Variants in SP4 observed in about 807,000 individuals in gnomAD.
The protein encoded by SP4 is transcription factor Sp4.
SP4 carries 19 observed loss-of-function variants against 72.8 expected under a neutral mutation model. The observed-to-expected ratio is 0.26, with a 90% CI of 0.18 to 0.38. The LOEUF (loss-of-function observed/expected upper bound fraction) is 0.38. Among genes scored for constraint, SP4 ranks in the 10% least tolerant of loss-of-function variants. The probability of loss-of-function intolerance (pLI) is 1.00; values close to 1 mark genes in which losing one functional copy is unlikely to be tolerated. For missense variants in SP4, 1,008 were observed against 926.3 expected, an observed-to-expected ratio of 1.09 and a Z score of -1.14; for synonymous variants, 395 against 333.1, an observed-to-expected ratio of 1.19 and a Z score of -2.02.
intron 3 of SP4, among the ~76,000 whole-genome samples, chr7:21,439,677 C>T (rs937597691): frequency 1.3e-5 from 2 of 152,084 alleles, no homozygotes; most frequent in Non-Finnish European, 2.9e-5. Context: ...ATCACGTGAG[C>T]CCAGGAGCTT....
chr7:21,452,261 A>G (rs1783624246), intron 3 of SP4, among the ~76,000 whole-genome samples: 1 of 152,250 alleles, frequency 6.6e-6, no homozygotes. Flanking sequence ...AATGAGTTGC[A>G]TAAAGCACAG....
chr7:21,495,819 GATTT>G (rs1024712148), intron 5 of SP4, among the ~76,000 whole-genome samples: 5 of 152,062 alleles, frequency 3.3e-5, no homozygotes, highest in African/African-American at 1.2e-4. Context: ...GTGTGTGGCA[GATTT>G]ATTTATTTAT....
intron 3 of SP4, among the ~76,000 whole-genome samples, chr7:21,470,749 GAAA>G (rs11406915): frequency 9.5e-6 from 1 of 105,342 alleles, no homozygotes; most frequent in Non-Finnish European, 2.0e-5. Flanking sequence ...TCTATATTTG[GAAA>G]AAAAAAAAAA....
At chr7:21,490,098 A>G (rs1157684789) in intron 5 of SP4, among the ~76,000 whole-genome samples, 1 of 152,236 alleles carries the variant, frequency 6.6e-6, no homozygotes, top group Non-Finnish European at 1.5e-5. Flanking sequence ...AAGTTTACTT[A>G]TTTGTTTTCT....
At chr7:21,476,190 C>CTT (rs1160123884) in intron 3 of SP4, among the ~76,000 whole-genome samples, 4 of 143,058 alleles carry the variant, frequency 2.8e-5, no homozygotes, top group African/African-American at 1.0e-4. Flanking sequence ...AGAAGAATTG[C>CTT]TTGAACCCAG....
At chr7:21,510,954 G>C in intron 5 of SP4, 68 bp from the exon 6 acceptor site, 2 of 1,438,824 alleles carry the variant, frequency 1.4e-6, no homozygotes, top group Non-Finnish European at 1.9e-6. Context: ...CCAGAAGGGA[G>C]ATTATTAAAA....
rs767876699 is a variant in SP4 at position 21,482,139 on chromosome 7, G to A, written c.2107+16G>A. 1 of 1,586,170 alleles carries A rather than the reference G, an allele frequency of 6.3e-7. No homozygotes were observed. The highest frequency in any genetic ancestry group is 1.7e-5 in the Admixed American group (1 of 57,870). ...ACCCATACAGGTTAGTTGATTTTAG[G>A]ACTTGTACTTTTTACTTATTTCTTC... is the stretch of plus-strand genomic sequence containing the variant. On this transcript the variant is annotated intron_variant, in intron 5 of 5. Transcript: ENST00000222584.
In SP4 at chr7:21,482,151, T is replaced by G. The variant is rs778437196; in HGVS notation, c.2107+28T>G. 3 of 1,555,752 alleles carry G rather than the reference T, an allele frequency of 1.9e-6. No individual in the cohort carries two copies. The South Asian group carries it at 3.5e-5, about 18-fold the overall frequency. On this transcript the variant is annotated intron_variant, in intron 5 of 5. Coordinates refer to ENST00000222584, the MANE Select transcript of SP4 (RefSeq NM_003112.5). The stretch of plus-strand genomic sequence containing the variant: ...TAGTTGATTTTAGGACTTGTACTTT[T>G]TACTTATTTCTTCAGTTTTTACATG...
At chr7:21,509,959 A>G (rs1017905419) in intron 5 of SP4, among the ~76,000 whole-genome samples, 1 of 152,204 alleles carries the variant, frequency 6.6e-6, no homozygotes, top group Non-Finnish European at 1.5e-5. Context: ...AGCAAATCAC[A>G]TCTCGTGTGG....
chr7:21,436,737 A>C (rs1183296888), intron 3 of SP4, among the ~76,000 whole-genome samples: 1 of 152,198 alleles, frequency 6.6e-6, no homozygotes, highest in Non-Finnish European at 1.5e-5. Flanking sequence ...GAAGGAGCAA[A>C]TTGTGGCAAA....
intron 3 of SP4, among the ~76,000 whole-genome samples, chr7:21,464,186 T>TC (rs1156351493): frequency 6.9e-6 from 1 of 144,718 alleles, no homozygotes; most frequent in African/African-American, 2.6e-5. Flanking sequence ...GTGCATGGCC[T>TC]CCCGGGTTCA....
In SP4 at chr7:21,429,259, CCCT is replaced by C. The variant is rs765604491; in HGVS notation, c.124-28_124-26del. On this transcript the variant is annotated intron_variant, in intron 2 of 5. Transcript: ENST00000222584. ...AATCCGCCCACTTTTTTTCCCCCCC[CCCT>C]CTCCTTTACCGTCCCATTTTGGGTA... is the stretch of plus-strand genomic sequence containing the variant. The C allele has an allele frequency of 2.1e-4, 281 of 1,315,382 alleles. 2 individuals carry two copies. Among genetic ancestry groups the C allele is most frequent in the African/African-American group, 3.3e-4 (22 of 67,692 alleles). The allele number at this position is 1,315,382 out of a possible 1,614,324, so 81.5% of individuals were successfully genotyped here.
chr7:21,439,010 A>G (rs984085079), intron 3 of SP4, among the ~76,000 whole-genome samples: 2 of 152,136 alleles, frequency 1.3e-5, no homozygotes, highest in African/African-American at 4.8e-5. Context: ...ATTAAACTTT[A>G]TCACAGGTAT....
Position 21,511,263 on chromosome 7 carries a change from A to T in SP4, c.2349A>T (p.Glu783Asp). ...CCAATGTTTCAACCAACATGGAAGAATTCTGAAAAGTTATTTATAACAGAG... is the reference window on the plus strand; with the variant it reads ...CCAATGTTTCAACCAACATGGAAGATTTCTGAAAAGTTATTTATAACAGAG... Reference protein sequence around the residue: ...ATPNVSTNMEEF With the variant: ...ATPNVSTNMEDF Residue 783 changes from glutamate (E) to aspartate (D), a missense_variant, in exon 6 of 6, where the codon GAA becomes GAT. By Grantham distance (45) the Glu-to-Asp change is conservative (BLOSUM62 2). This residue lies in a region of SP4 where 67 missense variants were observed against 66.1 expected (regional missense o/e 1.01). Transcript: ENST00000222584. 6.2e-7 allele frequency: 1 copy of T among 1,613,782 alleles called. No individual in the cohort carries two copies. The highest frequency in any genetic ancestry group is 8.5e-7 in the Non-Finnish European group (1 of 1,179,786).
At chr7:21,507,791 T>A (rs1782038533) in intron 5 of SP4, among the ~76,000 whole-genome samples, 1 of 152,126 alleles carries the variant, frequency 6.6e-6, no homozygotes, top group Admixed American at 6.5e-5. Context: ...GTCTGAGCTT[T>A]TCCCTGTGTT....
intron 3 of SP4, among the ~76,000 whole-genome samples, chr7:21,474,766 C>G (rs1784447440): frequency 6.6e-6 from 1 of 152,202 alleles, no homozygotes; most frequent in African/African-American, 2.4e-5. Flanking sequence ...ATTTACAACT[C>G]TCACTTCACT....
intron 3 of SP4, among the ~76,000 whole-genome samples, chr7:21,466,843 G>GT (rs1326588771): frequency 6.6e-6 from 1 of 150,432 alleles, no homozygotes; most frequent in East Asian, 1.9e-4. Flanking sequence ...TCATATGTCT[G>GT]TCAAAACTGT....
chr7:21,446,124 A>G (rs1326528753), intron 3 of SP4, among the ~76,000 whole-genome samples: 1 of 151,632 alleles, frequency 6.6e-6, no homozygotes, highest in African/African-American at 2.4e-5. Context: ...CATTCAGGGA[A>G]AACTTAAAGG....
At chr7:21,461,498 CG>C (rs1181324476) in intron 3 of SP4, among the ~76,000 whole-genome samples, 5 of 152,284 alleles carry the variant, frequency 3.3e-5, no homozygotes, top group African/African-American at 7.2e-5. Flanking sequence ...CCCTCACTGC[CG>C]GGGGCCAGCA....
Sources: allele counts gnomAD v4.1 joint callset (sites outside exome capture counted in the v4.1 genomes callset), GRCh38; gene constraint gnomAD v4.1.1; regional missense constraint gnomAD v4.1.1; transcripts MANE v1.5; gene names NCBI Gene and HGNC (gene_info 2026-07-23, HGNC 2026-07-21).